DLG2: variants seen among roughly 807,000 people sequenced by gnomAD.
The protein encoded by DLG2 is disks large homolog 2.
A neutral mutation model predicts 132.5 loss-of-function variants in DLG2; 45 were observed. That is an observed-to-expected ratio of 0.34 (90% CI 0.27 to 0.44). The LOEUF is 0.44. Ranked by LOEUF, DLG2 falls within the 20% of genes least tolerant of loss-of-function variation. The probability of loss-of-function intolerance (pLI) is 1.00; values close to 1 mark genes in which losing one functional copy is unlikely to be tolerated. For synonymous variants in DLG2, 424 were observed against 419.6 expected, an observed-to-expected ratio of 1.01 and a Z score of -0.13; for missense variants, 1,045 against 1,196.9, an observed-to-expected ratio of 0.87 and a Z score of 1.87.
At chr11:84,526,493 G>C (rs1328226789) in intron 7 of DLG2, among the ~76,000 whole-genome samples, 1 of 152,144 alleles carries the variant, frequency 6.6e-6, no homozygotes, top group Non-Finnish European at 1.5e-5. Flanking sequence ...CCTGATCTTA[G>C]GTTGCACTTT....
chr11:84,634,720 T>C (rs879275344), intron 6 of DLG2, among the ~76,000 whole-genome samples: 9 of 152,236 alleles, frequency 5.9e-5, no homozygotes, highest in Non-Finnish European at 1.3e-4. Flanking sequence ...TCCTTCTGAC[T>C]AAATGAATGA....
chr11:84,004,935 T>C (rs1267745675), intron 11 of DLG2, among the ~76,000 whole-genome samples: 1 of 87,226 alleles, frequency 1.1e-5, no homozygotes, highest in South Asian at 4.8e-4. Flanking sequence ...AATTCTAAAA[T>C]TTATATAGAA....
intron 6 of DLG2, among the ~76,000 whole-genome samples, chr11:85,069,581 T>C (rs2065481400): frequency 1.3e-5 from 2 of 152,046 alleles, no homozygotes. Context: ...ATCAGAGAAA[T>C]GCAAATCAAA....
chr11:83,719,523 C>T (rs1367393027), intron 18 of DLG2, among the ~76,000 whole-genome samples: 1 of 152,178 alleles, frequency 6.6e-6, no homozygotes, highest in Non-Finnish European at 1.5e-5. Flanking sequence ...GCTTCCACTC[C>T]TGGCAAAAGG....
intron 6 of DLG2, among the ~76,000 whole-genome samples, chr11:84,600,206 A>AAGAAAG (rs1411159079): frequency 7.3e-6 from 1 of 137,314 alleles, no homozygotes; most frequent in Admixed American, 7.1e-5. Context: ...GAAAGAAAGA[A>AAGAAAG]AGAAAGAAAG....
intron 6 of DLG2, among the ~76,000 whole-genome samples, chr11:84,833,800 T>A (rs188974528): frequency 6.6e-6 from 1 of 151,648 alleles, no homozygotes; most frequent in African/African-American, 2.4e-5. Context: ...AAAACTATTG[T>A]TTTTTGCACA....
intron 3 of DLG2, among the ~76,000 whole-genome samples, chr11:85,383,810 C>T (rs1366069257): frequency 6.6e-6 from 1 of 152,146 alleles, no homozygotes; most frequent in Non-Finnish European, 1.5e-5. Flanking sequence ...AATTTTACAG[C>T]TTATATTAAT....
chr11:84,281,011 G>A (rs892146837), intron 7 of DLG2, among the ~76,000 whole-genome samples: 11 of 151,524 alleles, frequency 7.3e-5, no homozygotes, highest in Non-Finnish European at 1.3e-4. Context: ...GTGAGCCACC[G>A]TGCCCGGCCT....
chr11:84,139,500 A>C (rs2094748957), intron 9 of DLG2, among the ~76,000 whole-genome samples: 1 of 151,810 alleles, frequency 6.6e-6, no homozygotes, highest in South Asian at 2.1e-4. Context: ...ACTAGTAGTA[A>C]TAATAATAAT....
chr11:85,369,195 G>A (rs2084781019), intron 3 of DLG2, among the ~76,000 whole-genome samples: 1 of 152,094 alleles, frequency 6.6e-6, no homozygotes, highest in Non-Finnish European at 1.5e-5. Flanking sequence ...GGATGGACAG[G>A]CAAGCGGGGT....
rs1565226161 is a variant in DLG2, at chr11:84,536,303, A to T, written c.358-1572T>A. 6.6e-5 allele frequency among the ~76,000 whole-genome samples: 10 copies of T among 152,102 alleles called. No homozygotes were observed. In the South Asian group the frequency reaches 2.1e-3, roughly 32 times the overall value. Reference sequence around the variant, plus strand: ...TTAACTGACGGGCATAAGCGCCAAGACCCTATCCAGATCATTGCAGTCTGA... The same window carrying T: ...TTAACTGACGGGCATAAGCGCCAAGTCCCTATCCAGATCATTGCAGTCTGA... On this transcript the variant is annotated intron_variant, in intron 6 of 27. Transcript: ENST00000376104.
intron 6 of DLG2, among the ~76,000 whole-genome samples, chr11:84,549,300 G>A (rs574559201): frequency 2.0e-4 from 30 of 152,324 alleles, no homozygotes; most frequent in African/African-American, 7.2e-4. Context: ...CATGGTCTGA[G>A]TAATTTTCCA....
chr11:83,556,508 GACCAC>G (rs2096523430), intron 19 of DLG2, among the ~76,000 whole-genome samples: 1 of 151,980 alleles, frequency 6.6e-6, no homozygotes, highest in Admixed American at 6.6e-5. Context: ...GTGTAGCTGG[GACCAC>G]AGGCGTGCGC....
At chr11:84,442,239 T>C (rs2099019422) in intron 7 of DLG2, among the ~76,000 whole-genome samples, 2 of 152,236 alleles carry the variant, frequency 1.3e-5, no homozygotes, top group South Asian at 4.1e-4. Flanking sequence ...TATTGATTCT[T>C]CCTGTCCATG....
chr11:84,084,743 T>C (rs192755143), intron 10 of DLG2, among the ~76,000 whole-genome samples: 3 of 152,212 alleles, frequency 2.0e-5, no homozygotes, highest in Non-Finnish European at 4.4e-5. Flanking sequence ...ATTCTATTGA[T>C]ACATAATGAT....
intron 16 of DLG2, among the ~76,000 whole-genome samples, chr11:83,871,725 C>T (rs545651088): frequency 2.6e-5 from 4 of 152,232 alleles, no homozygotes; most frequent in South Asian, 2.1e-4. Flanking sequence ...ACTGAGACTT[C>T]GCCTTCTAAA....
At chr11:83,933,630 C>T (rs1473272906) in intron 14 of DLG2, among the ~76,000 whole-genome samples, 1 of 152,206 alleles carries the variant, frequency 6.6e-6, no homozygotes. Flanking sequence ...ATCCACAATA[C>T]TGGTGTATGT....
chr11:84,778,332 C>T (rs918150065), intron 6 of DLG2, among the ~76,000 whole-genome samples: 1 of 151,996 alleles, frequency 6.6e-6, no homozygotes, highest in African/African-American at 2.4e-5. Flanking sequence ...TATTTTTATA[C>T]CAGTATCATG....
intron 8 of DLG2, among the ~76,000 whole-genome samples, chr11:84,194,466 T>C (rs2096476332): frequency 6.6e-6 from 1 of 152,150 alleles, no homozygotes; most frequent in Admixed American, 6.5e-5. Flanking sequence ...CAGGAAGACT[T>C]ATTGCAAACA....
Sources: allele counts gnomAD v4.1 joint callset (sites outside exome capture counted in the v4.1 genomes callset), GRCh38; gene constraint gnomAD v4.1.1; transcripts MANE v1.5; gene names NCBI Gene and HGNC (gene_info 2026-07-23, HGNC 2026-07-21).